IHO1: variants seen among roughly 807,000 people sequenced by gnomAD.
The protein encoded by IHO1 is interactor of HORMAD1 protein 1.
In IHO1, 13 loss-of-function variants were observed where a neutral mutation model predicts 31.0. The ratio of observed to expected loss-of-function variants is 0.42; its 90% CI spans 0.27 to 0.67. The LOEUF (loss-of-function observed/expected upper bound fraction) is 0.67. Ranked by LOEUF, IHO1 falls within the 30% of genes least tolerant of loss-of-function variation. IHO1 has a pLI of 0.24. For synonymous variants in IHO1, 221 were observed against 248.4 expected, an observed-to-expected ratio of 0.89 and a Z score of 1.04; for missense variants, 599 against 687.5, an observed-to-expected ratio of 0.87 and a Z score of 1.44.
chr3:49,194,203 G>C (rs181849216), upstream of IHO1, among the ~76,000 whole-genome samples: 1 of 149,220 alleles, frequency 6.7e-6, no homozygotes, highest in Non-Finnish European at 1.5e-5. Flanking sequence ...AGGAGGCAGA[G>C]GTTGCAGTGA....
upstream of IHO1, among the ~76,000 whole-genome samples, chr3:49,195,693 C>T (rs768090858): frequency 6.6e-6 from 1 of 150,702 alleles, no homozygotes; most frequent in Non-Finnish European, 1.5e-5. Context: ...CAGCCTGGGC[C>T]ACAGAGTGAG....
intron 2 of IHO1, among the ~76,000 whole-genome samples, chr3:49,219,390 C>T (rs1307079206): frequency 6.6e-6 from 1 of 152,208 alleles, no homozygotes; most frequent in Non-Finnish European, 1.5e-5. Context: ...AGATAACTAG[C>T]CAGAGTCCAT....
In IHO1 at chr3:49,257,009, T is replaced by C; in HGVS notation, c.1512T>C (p.Cys504=). 1 of 1,614,162 alleles carries C rather than the reference T, an allele frequency of 6.2e-7. No homozygotes were observed. Among genetic ancestry groups the C allele is most frequent in the Non-Finnish European group, 8.5e-7 (1 of 1,180,012 alleles). The part of the protein sequence containing the change: ...EPRAQPLHLQ[C]PRSPRKPVCP... ...GTGCTCAGCCTCTGCATCTGCAGTGTCCCAGGAGCCCCAGAAAACCAGTCT... is the reference window on the plus strand; with the variant it reads ...GTGCTCAGCCTCTGCATCTGCAGTGCCCCAGGAGCCCCAGAAAACCAGTCT... Residue 504 remains cysteine, a synonymous_variant, in exon 8 of 8, where the codon TGT becomes TGC. Transcript: ENST00000452691.
intron 2 of IHO1, among the ~76,000 whole-genome samples, chr3:49,233,055 G>T (rs1317466251): frequency 6.6e-6 from 1 of 152,140 alleles, no homozygotes; most frequent in Non-Finnish European, 1.5e-5. Context: ...AGATTGCATT[G>T]CAGAATAGGC....
chr3:49,239,123 C>A (rs2046595149), intron 3 of IHO1, among the ~76,000 whole-genome samples: 1 of 151,984 alleles, frequency 6.6e-6, no homozygotes, highest in South Asian at 2.1e-4. Flanking sequence ...AGGCGCCTGC[C>A]CCCATGCCCA....
chr3:49,251,586 T>G (rs2046760003), intron 6 of IHO1, among the ~76,000 whole-genome samples: 1 of 151,720 alleles, frequency 6.6e-6, no homozygotes. Flanking sequence ...GCTCAGACTT[T>G]ACTTAGTTGT....
chr3:49,215,059 T>TC (rs2046271372), intron 2 of IHO1, among the ~76,000 whole-genome samples: 1 of 151,542 alleles, frequency 6.6e-6, no homozygotes, highest in African/African-American at 2.4e-5. Context: ...TTCTCTCTTT[T>TC]TTTTTTTTTG....
chr3:49,200,602 C>G (rs1409595176), intron 1 of IHO1: 1 of 983,752 alleles, frequency 1.0e-6, no homozygotes, highest in Non-Finnish European at 1.2e-6. Context: ...CTCCCCCTCA[C>G]GTGTTCCTCC....
chr3:49,208,487 G>C (rs1171011028), intron 1 of IHO1, among the ~76,000 whole-genome samples: 2 of 152,128 alleles, frequency 1.3e-5, no homozygotes, highest in Non-Finnish European at 2.9e-5. Context: ...ATTTCATTTT[G>C]AAACCATCCC....
rs541387347 is a variant in IHO1 at position 49,240,546 on chromosome 3, A to G, written c.232-680A>G. 5.5e-4 allele frequency among the ~76,000 whole-genome samples: 84 copies of G among 152,248 alleles called. 1 individual carries two copies. The South Asian group carries it at 0.01, about 19-fold the overall frequency. ...ACCAATTTTTGTATTTCTAGTAGTG[A>G]CGGGGTTTCATCACATTGGTCAGGT... On this transcript the variant is annotated intron_variant, in intron 3 of 7. Coordinates refer to ENST00000452691, the MANE Select transcript of IHO1 (RefSeq NM_001135197.2).
At chr3:49,231,057 T>C (rs1026449664) in intron 2 of IHO1, among the ~76,000 whole-genome samples, 11 of 152,192 alleles carry the variant, frequency 7.2e-5, no homozygotes, top group Non-Finnish European at 1.5e-4. Flanking sequence ...ACTGATGTTA[T>C]TGCCCAACAG....
intron 2 of IHO1, among the ~76,000 whole-genome samples, chr3:49,224,093 G>A (rs1258178559): frequency 2.0e-5 from 3 of 152,252 alleles, no homozygotes; most frequent in African/African-American, 7.2e-5. Flanking sequence ...TTGGTGGAGC[G>A]TTTTAAGTAT....
At chr3:49,247,649 G>A (rs1050468916) in intron 6 of IHO1, among the ~76,000 whole-genome samples, 1 of 151,704 alleles carries the variant, frequency 6.6e-6, no homozygotes, top group African/African-American at 2.4e-5. Context: ...AACCAGCAGG[G>A]CATGGGACAT....
At chr3:49,255,535 T>C (rs201780163) in intron 7 of IHO1, 42 bp downstream of exon 7, 2 of 1,270,244 alleles carry the variant, frequency 1.6e-6, no homozygotes, top group Admixed American at 4.8e-5. Flanking sequence ...TGTTTTGGGC[T>C]TTGAACTAGA....
At chr3:49,251,133 T>G (rs1361154777) in intron 6 of IHO1, among the ~76,000 whole-genome samples, 2 of 151,540 alleles carry the variant, frequency 1.3e-5, no homozygotes, top group Admixed American at 6.6e-5. Flanking sequence ...TTGGTTGGTT[T>G]GTTTTGAGAC....
chr3:49,210,237 T>G (rs1453048325), intron 1 of IHO1, among the ~76,000 whole-genome samples: 1 of 151,814 alleles, frequency 6.6e-6, no homozygotes, highest in Non-Finnish European at 1.5e-5. Flanking sequence ...TTTGACATAG[T>G]TTGAGAGATA....
At chr3:49,221,009 C>G (rs1003986359) in intron 2 of IHO1, among the ~76,000 whole-genome samples, 3 of 152,218 alleles carry the variant, frequency 2.0e-5, no homozygotes, top group African/African-American at 7.2e-5. Context: ...TTGGCCCTGC[C>G]CACATTCTGC....
intron 1 of IHO1, among the ~76,000 whole-genome samples, chr3:49,201,853 G>A (rs1350821584): frequency 6.6e-6 from 1 of 152,174 alleles, no homozygotes; most frequent in Non-Finnish European, 1.5e-5. Flanking sequence ...GATAGGTGGA[G>A]GTTGTAGTGA....
At chr3:49,206,762 G>A (rs1383343715) in intron 1 of IHO1, among the ~76,000 whole-genome samples, 1 of 152,082 alleles carries the variant, frequency 6.6e-6, no homozygotes, top group East Asian at 1.9e-4. Context: ...GCTGGATGCA[G>A]TGGCACACAC....
Sources: gnomAD v4.1 joint callset for allele counts (sites outside exome capture counted in the v4.1 genomes callset) on GRCh38, gnomAD v4.1.1 for gene constraint, MANE v1.5 for transcripts, NCBI Gene and HGNC (gene_info 2026-07-23, HGNC 2026-07-21) for gene names.